KCNAB2: variants seen among roughly 807,000 people sequenced by gnomAD.
KCNAB2 encodes voltage-gated potassium channel subunit beta-2.
Under a neutral mutation model 63.6 loss-of-function variants are expected in KCNAB2, and 29 were observed. The ratio of observed to expected loss-of-function variants is 0.46; its 90% CI spans 0.34 to 0.62. The LOEUF is 0.62. Ranked by LOEUF, KCNAB2 falls within the 20% of genes least tolerant of loss-of-function variation. The pLI is 0.01. For missense variants in KCNAB2, 359 were observed against 563.9 expected, an observed-to-expected ratio of 0.64 and a Z score of 3.68; for synonymous variants, 222 against 224.2, an observed-to-expected ratio of 0.99 and a Z score of 0.09.
intron 1 of KCNAB2, among the ~76,000 whole-genome samples, chr1:6,021,829 C>T (rs543595589): frequency 3.4e-4 from 52 of 151,138 alleles, no homozygotes; most frequent in Non-Finnish European, 4.0e-4. Flanking sequence ...GGGTAAAGTG[C>T]AGTGGTATTG....
chr1:6,081,256 T>C (rs1228811307), intron 4 of KCNAB2, among the ~76,000 whole-genome samples: 4 of 152,228 alleles, frequency 2.6e-5, no homozygotes, highest in Admixed American at 2.6e-4. Context: ...GCCGGGAGTA[T>C]GTGCCGTTGG....
At chr1:5,999,136 G>A (rs528925414) in intron 1 of KCNAB2, among the ~76,000 whole-genome samples, 9 of 152,386 alleles carry the variant, frequency 5.9e-5, no homozygotes, top group East Asian at 1.9e-4. Flanking sequence ...GGGGACACCC[G>A]TGAACTGCGG....
rs1183865259 is a variant in KCNAB2 at position 6,100,623 on chromosome 1, G to C, written c.*2049G>C. 2.0e-5 allele frequency: 2 copies of C among 101,264 alleles called. No individual in the cohort carries two copies. The highest frequency in any genetic ancestry group is 4.1e-5 in the Non-Finnish European group (2 of 48,786). The allele number at this position is 101,264 out of a possible 1,614,324, so 6.3% of individuals were successfully genotyped here. A position where few individuals can be genotyped will look rare whatever the true frequency, so the allele number is the denominator to read the frequency against. Reference sequence around the variant, plus strand: ...GCTGCTTAATGCGAGGCACACCTGGGGCAGCTGAGCCCCCAAAGGCTGCGG... The same window carrying C: ...GCTGCTTAATGCGAGGCACACCTGGCGCAGCTGAGCCCCCAAAGGCTGCGG... On this transcript the variant is annotated 3_prime_UTR_variant, in exon 16 of 16. Transcript: ENST00000378083.
At chr1:6,040,667 C>CTGGGAGGGGGCCTGGGTG in intron 2 of KCNAB2, 1 of 1,479,720 alleles carries the variant, frequency 6.8e-7, no homozygotes. Flanking sequence ...CCCCCTCACC[C>CTGGGAGGGGGCCTGGGTG]AGGCCCCCTC....
chr1:6,085,845 G>C (rs534711984), intron 6 of KCNAB2: 2 of 987,814 alleles, frequency 2.0e-6, no homozygotes, highest in South Asian at 4.7e-5. Context: ...GTGGCCCCAA[G>C]TCTGTAAATC....
At chr1:6,064,022 G>A (rs570095517) in intron 2 of KCNAB2, among the ~76,000 whole-genome samples, 1 of 152,342 alleles carries the variant, frequency 6.6e-6, no homozygotes, top group South Asian at 2.1e-4. Flanking sequence ...GAACACCCCT[G>A]GGGAAGAGTA....
intron 2 of KCNAB2, among the ~76,000 whole-genome samples, chr1:6,060,152 C>T (rs939247732): frequency 6.6e-6 from 1 of 152,236 alleles, no homozygotes; most frequent in African/African-American, 2.4e-5. Flanking sequence ...CATCTGCCCT[C>T]CTGCCTCTGC....
rs1246925298 is a variant in KCNAB2 at position 6,074,893 on chromosome 1, G to T, written c.300+1123G>T. On this transcript the variant is annotated intron_variant, in intron 4 of 15. Coordinates refer to ENST00000378083, the MANE Select transcript of KCNAB2 (RefSeq NM_001199862.2). The surrounding 1 kb of genome is among the most constrained non-coding windows in gnomAD (Gnocchi z 4.9). ...TGCTTGAACCCAGAAGGGGGAGGTT[G>T]CAGTGAGCCGAGATCATATCACTGC... Among the ~76,000 whole-genome samples the T allele has an allele frequency of 6.6e-6, 1 of 151,230 alleles. No homozygotes were observed. The highest frequency in any genetic ancestry group is 2.4e-5 in the African/African-American group (1 of 40,980).
chr1:6,026,727 C>T (rs549196505), intron 1 of KCNAB2, among the ~76,000 whole-genome samples: 7 of 152,336 alleles, frequency 4.6e-5, no homozygotes, highest in African/African-American at 1.2e-4. Flanking sequence ...GTCTGACGGC[C>T]GCACATTCTC....
chr1:6,033,072 T>A (rs1659747480), upstream of KCNAB2, among the ~76,000 whole-genome samples: 1 of 152,218 alleles, frequency 6.6e-6, no homozygotes, highest in African/African-American at 2.4e-5. Flanking sequence ...ACTAAGTATC[T>A]TAGGTACAAT....
chr1:5,997,521 C>T (rs1035832890), intron 1 of KCNAB2, among the ~76,000 whole-genome samples: 2 of 152,210 alleles, frequency 1.3e-5, no homozygotes, highest in Admixed American at 6.5e-5. Flanking sequence ...CCCCTGGGCA[C>T]CGAGTGGGTT....
At chr1:6,054,035 C>T (rs1229033674) in intron 2 of KCNAB2, among the ~76,000 whole-genome samples, 1 of 141,358 alleles carries the variant, frequency 7.1e-6, no homozygotes, top group African/African-American at 2.7e-5. Context: ...AGAGTGAGAC[C>T]CTGTCTTAAA....
chr1:6,041,750 C>A (rs556976394), upstream of KCNAB2: 20 of 1,278,442 alleles, frequency 1.6e-5, no homozygotes, highest in Non-Finnish European at 2.3e-5. Flanking sequence ...TGACCTGCAC[C>A]TGCTGGGGTT....
intron 1 of KCNAB2, among the ~76,000 whole-genome samples, chr1:6,016,282 G>A (rs915998352): frequency 2.0e-5 from 3 of 152,200 alleles, no homozygotes; most frequent in Non-Finnish European, 2.9e-5. Context: ...CTCCGAGTGA[G>A]GGGTGGGTGG....
intron 2 of KCNAB2, among the ~76,000 whole-genome samples, chr1:6,058,403 C>G (rs2100574692): frequency 6.6e-6 from 1 of 152,308 alleles, no homozygotes; most frequent in South Asian, 2.1e-4. Flanking sequence ...CCCGGGCTCC[C>G]ACCGGCTACC....
rs1255121221 is a variant in KCNAB2 at position 6,028,760 on chromosome 1, C to T, written c.-52-11757C>T. ...CCTCCAGGATGGCCTCCAGGGACCC[C>T]GCCTCCTGGTGGCCACTGTCCCCAT... On this transcript the variant is annotated intron_variant, in intron 1 of 16. Transcript: ENST00000341524. The surrounding 1 kb of genome is among the most constrained non-coding windows in gnomAD (Gnocchi z 4.0). Among the ~76,000 whole-genome samples, 1 of 152,212 alleles carries T rather than the reference C, an allele frequency of 6.6e-6. No individual in the cohort carries two copies. The highest frequency in any genetic ancestry group is 1.5e-5 in the Non-Finnish European group (1 of 68,022).
chr1:6,086,325 A>C lies in KCNAB2; in HGVS notation c.425+1077A>C. ...TTTTGGCAACTCTGATCCCAAAACA[A>C]ATTCCTCCTCACCCTGTAATTAAAC... On this transcript the variant is annotated intron_variant, in intron 6 of 15. Coordinates refer to ENST00000378083, the MANE Select transcript of KCNAB2 (RefSeq NM_001199862.2). The surrounding 1 kb of genome is among the most constrained non-coding windows in gnomAD (Gnocchi z 4.2). 3 of 985,322 alleles carry C rather than the reference A, an allele frequency of 3.0e-6. No individual in the cohort carries two copies. The highest frequency in any genetic ancestry group is 3.6e-6 in the Non-Finnish European group (3 of 829,902). The allele number at this position is 985,322 out of a possible 1,614,324, so 61.0% of individuals were successfully genotyped here.
Position 6,085,974 on chromosome 1 carries a change from C to G in KCNAB2, c.425+726C>G, listed in dbSNP as rs145694902. The G allele has an allele frequency of 5.8e-4, 568 of 985,440 alleles. 3 individuals are homozygous for G. The African/African-American group carries it at 9.6e-3, about 17-fold the overall frequency. 61.0% of individuals were successfully genotyped at this position (985,440 alleles called of 1,614,324 possible). A position where few individuals can be genotyped will look rare whatever the true frequency, so the allele number is the denominator to read the frequency against. ...CCAAAGGTCGCAGATCGGGGGCCAT[C>G]CACCCTTCTCTCCCAGGAGCCTATG... On this transcript the variant is annotated intron_variant, in intron 6 of 15. Coordinates refer to ENST00000378083, the MANE Select transcript of KCNAB2 (RefSeq NM_001199862.2).
chr1:6,006,651 C>T (rs181752220), intron 1 of KCNAB2, among the ~76,000 whole-genome samples: 6 of 9,266 alleles, frequency 6.5e-4, no homozygotes, highest in Admixed American at 8.8e-4. Context: ...CAGCTCAGGT[C>T]CCACATCCCC....
Sources: allele counts gnomAD v4.1 joint callset (sites outside exome capture counted in the v4.1 genomes callset), GRCh38; gene constraint gnomAD v4.1.1; non-coding constraint Gnocchi (gnomAD v3.1); transcripts MANE v1.5; gene names NCBI Gene and HGNC (gene_info 2026-07-23, HGNC 2026-07-21).